HPSE2: variants seen among roughly 807,000 people sequenced by gnomAD.
HPSE2 encodes heparanase 2 (inactive), also known as inactive heparanase-2.
A neutral mutation model predicts 60.5 loss-of-function variants in HPSE2; 38 were observed. The observed-to-expected ratio is 0.63, with a 90% CI of 0.48 to 0.82. The LOEUF is 0.82. HPSE2 is among the 40% of genes least tolerant of loss of function. The pLI is 0.00. For synonymous variants in HPSE2, 295 were observed against 293.2 expected (o/e 1.01, Z -0.06); for missense variants, 713 against 740.4 (o/e 0.96, Z 0.43).
the HPSE2 span, among the ~76,000 whole-genome samples, chr10:99,263,878 C>G: frequency 1.3e-5 from 2 of 152,168 alleles, no homozygotes; most frequent in Non-Finnish European, 2.9e-5. Flanking sequence ...CCCAGTCCAC[C>G]ACTCTTGACT....
At chr10:98,750,713 G>C (rs1370291925) in intron 3 of HPSE2, among the ~76,000 whole-genome samples, 1 of 152,136 alleles carries the variant, frequency 6.6e-6, no homozygotes, top group Non-Finnish European at 1.5e-5. Context: ...AGATAAACTT[G>C]ATATTTATGA....
At chr10:98,830,719 G>T (rs1392416114) in intron 3 of HPSE2, among the ~76,000 whole-genome samples, 2 of 152,086 alleles carry the variant, frequency 1.3e-5, no homozygotes, top group African/African-American at 4.8e-5. Context: ...GTAGGAAAAA[G>T]ACTTTATGAC....
At chr10:98,544,627 G>A (rs925166566) in intron 9 of HPSE2, among the ~76,000 whole-genome samples, 9 of 148,142 alleles carry the variant, frequency 6.1e-5, no homozygotes, top group East Asian at 2.0e-4. Flanking sequence ...GCAGGAGAAT[G>A]GCGTGAACCC....
At chr10:99,221,105 A>G (rs1406860217) in intron 2 of HPSE2, among the ~76,000 whole-genome samples, 1 of 152,086 alleles carries the variant, frequency 6.6e-6, no homozygotes, top group East Asian at 1.9e-4. Context: ...TCAGCCTCCC[A>G]AAGTGCTGGA....
chr10:98,806,804 A>C (rs1009628183), intron 3 of HPSE2, among the ~76,000 whole-genome samples: 2 of 152,190 alleles, frequency 1.3e-5, no homozygotes, highest in Non-Finnish European at 2.9e-5. Flanking sequence ...ATTTTTTTTA[A>C]CTTTTAATTA....
At chr10:99,089,426 G>T (rs936833829) in intron 3 of HPSE2, among the ~76,000 whole-genome samples, 1 of 152,142 alleles carries the variant, frequency 6.6e-6, no homozygotes, top group African/African-American at 2.4e-5. Flanking sequence ...TTGTTGAACA[G>T]GGTGTCCTAT....
intron 11 of HPSE2, among the ~76,000 whole-genome samples, chr10:98,482,161 G>GT (rs894764713): frequency 2.6e-5 from 4 of 152,122 alleles, no homozygotes; most frequent in African/African-American, 9.7e-5. Context: ...TAAACTCTTT[G>GT]TTTAGTGCTC....
chr10:99,009,464 T>C (rs913246439), intron 3 of HPSE2, among the ~76,000 whole-genome samples: 5 of 152,028 alleles, frequency 3.3e-5, no homozygotes, highest in Admixed American at 2.6e-4. Context: ...ACATCAGGGA[T>C]AGCATTCAGT....
At chr10:99,078,713 T>G (rs1356958508) in intron 3 of HPSE2, among the ~76,000 whole-genome samples, 1 of 152,208 alleles carries the variant, frequency 6.6e-6, no homozygotes, top group African/African-American at 2.4e-5. Flanking sequence ...ATTTACTTTA[T>G]TCCTTTGTGT....
At chr10:98,735,502 T>C (rs953017776) in intron 4 of HPSE2, among the ~76,000 whole-genome samples, 5 of 151,536 alleles carry the variant, frequency 3.3e-5, no homozygotes, top group Admixed American at 1.3e-4. Flanking sequence ...CACTGCCTAG[T>C]AGAGCCATGA....
At chr10:99,124,181 G>A (rs935160200) in intron 3 of HPSE2, among the ~76,000 whole-genome samples, 1 of 152,198 alleles carries the variant, frequency 6.6e-6, no homozygotes, top group African/African-American at 2.4e-5. Flanking sequence ...CATACCTGCA[G>A]GCAGGTCATC....
At chr10:98,672,357 C>A (rs888167836) in intron 6 of HPSE2, among the ~76,000 whole-genome samples, 8 of 152,216 alleles carry the variant, frequency 5.3e-5, no homozygotes, top group Non-Finnish European at 1.2e-4. Context: ...CCATGCAACT[C>A]TAGACAATAA....
At chr10:99,234,545 T>C (rs1849776019) in intron 1 of HPSE2, among the ~76,000 whole-genome samples, 1 of 152,150 alleles carries the variant, frequency 6.6e-6, no homozygotes, top group East Asian at 1.9e-4. Flanking sequence ...TTGCAGAGGA[T>C]TTATTTCTTA....
intron 9 of HPSE2, 130 bp from the exon 10 acceptor site, chr10:98,490,326 G>C: frequency 1.7e-6 from 2 of 1,180,518 alleles, no homozygotes; most frequent in Non-Finnish European, 2.5e-6. Context: ...GGAGTCATGA[G>C]TCATGACCAA....
At chr10:98,641,751 G>T (rs1222464994) in intron 7 of HPSE2, 96 bp downstream of exon 7, 9 of 912,344 alleles carry the variant, frequency 9.9e-6, no homozygotes, top group Admixed American at 6.8e-5. Flanking sequence ...TTCTACTCTG[G>T]TTCCCACAGT....
At chr10:99,064,133 T>C (rs568346233) in intron 3 of HPSE2, among the ~76,000 whole-genome samples, 1 of 152,244 alleles carries the variant, frequency 6.6e-6, no homozygotes, top group South Asian at 2.1e-4. Context: ...CGGAAGTTTA[T>C]ACAGCTGCTA....
chr10:98,592,635 G>A (rs1006421998), intron 9 of HPSE2, among the ~76,000 whole-genome samples: 3 of 152,150 alleles, frequency 2.0e-5, no homozygotes, highest in African/African-American at 7.2e-5. Flanking sequence ...TTGTGGTCCA[G>A]AGAGAGCCTA....
intron 3 of HPSE2, among the ~76,000 whole-genome samples, chr10:99,025,096 AAAT>A (rs1957347185): frequency 6.6e-6 from 1 of 152,210 alleles, no homozygotes; most frequent in African/African-American, 2.4e-5. Context: ...AACCAATAAA[AAAT>A]AATAACTACA....
At chr10:98,576,474 A>G (rs1944642733) in intron 9 of HPSE2, among the ~76,000 whole-genome samples, 1 of 152,130 alleles carries the variant, frequency 6.6e-6, no homozygotes, top group South Asian at 2.1e-4. Flanking sequence ...TCAATAATAT[A>G]CCAAAAACTG....
Sources: gnomAD v4.1 joint callset for allele counts (sites outside exome capture counted in the v4.1 genomes callset) on GRCh38, gnomAD v4.1.1 for gene constraint, MANE v1.5 for transcripts, NCBI Gene and HGNC (gene_info 2026-07-23, HGNC 2026-07-21) for gene names.